Variants in CMIP observed in about 807,000 individuals in gnomAD.
CMIP encodes the protein C-Maf-inducing protein.
CMIP carries 13 observed loss-of-function variants against 97.3 expected under a neutral mutation model. The observed-to-expected ratio is 0.13, with a 90% CI of 0.09 to 0.21. The LOEUF (loss-of-function observed/expected upper bound fraction) is 0.21. CMIP is among the 10% of genes least tolerant of loss of function. The pLI, the probability that CMIP is intolerant of heterozygous loss-of-function variation, is 1.00. For missense variants in CMIP, 847 were observed against 1,024.9 expected (o/e 0.83, Z 2.37); for synonymous variants, 538 against 436.3 (o/e 1.23, Z -2.91).
intron 3 of CMIP, chr16:81,651,441 T>C: frequency 1.0e-6 from 1 of 957,040 alleles, no homozygotes. Flanking sequence ...AGAGCACTCT[T>C]GTCTTCCTCA....
intron 3 of CMIP, among the ~76,000 whole-genome samples, chr16:81,642,362 A>AC (rs1002647116): frequency 7.9e-5 from 12 of 151,946 alleles, no homozygotes; most frequent in African/African-American, 2.9e-4. Flanking sequence ...GCGTCCCTCC[A>AC]CCCACCTTGA....
chr16:81,578,612 G>A (rs2091242435), intron 1 of CMIP, among the ~76,000 whole-genome samples: 1 of 152,178 alleles, frequency 6.6e-6, no homozygotes, highest in Non-Finnish European at 1.5e-5. Flanking sequence ...AGTCCATAAA[G>A]TATGAAATCT....
chr16:81,606,649 A>G (rs1315417937), intron 1 of CMIP, among the ~76,000 whole-genome samples: 1 of 152,224 alleles, frequency 6.6e-6, no homozygotes, highest in African/African-American at 2.4e-5. Context: ...CACTGGGGAA[A>G]GAGTGGGAAC....
At chr16:81,567,403 C>T (rs903863291) in intron 1 of CMIP, among the ~76,000 whole-genome samples, 35 of 152,234 alleles carry the variant, frequency 2.3e-4, no homozygotes, top group Non-Finnish European at 1.5e-5. Flanking sequence ...TGGCCACATC[C>T]TCACCTTCCC....
chr16:81,495,950 C>T (rs2089482536), intron 1 of CMIP, among the ~76,000 whole-genome samples: 1 of 152,222 alleles, frequency 6.6e-6, no homozygotes, highest in African/African-American at 2.4e-5. Context: ...TCCCCCAGCT[C>T]CGAGACTTGC....
chr16:81,500,345 C>CTCTCCTTTCCTCCCTT (rs748595352), intron 1 of CMIP, among the ~76,000 whole-genome samples: 1,866 of 101,078 alleles, frequency 0.018, 72 homozygotes, highest in African/African-American at 0.022. Flanking sequence ...CTCCCTCCCT[C>CTCTCCTTTCCTCCCTT]CCTCTCTCCT....
intron 1 of CMIP, among the ~76,000 whole-genome samples, chr16:81,524,754 G>A (rs1299026370): frequency 6.6e-6 from 1 of 151,964 alleles, no homozygotes; most frequent in African/African-American, 2.4e-5. Context: ...CAGTAACTGC[G>A]CCTTCCCATG....
At chr16:81,527,344 C>CTAAA (rs2090151913) in intron 1 of CMIP, among the ~76,000 whole-genome samples, 1 of 151,814 alleles carries the variant, frequency 6.6e-6, no homozygotes, top group Non-Finnish European at 1.5e-5. Context: ...GCCTGATGGA[C>CTAAA]GGGTAAAGGA....
intron 1 of CMIP, chr16:81,476,315 G>T (rs368204652): frequency 6.5e-6 from 10 of 1,534,394 alleles, no homozygotes; most frequent in African/African-American, 4.1e-5. Context: ...CCATTACGGC[G>T]TGTGAAGTCA....
intron 5 of CMIP, among the ~76,000 whole-genome samples, chr16:81,659,937 C>G (rs902206022): frequency 6.6e-6 from 1 of 152,228 alleles, no homozygotes; most frequent in Non-Finnish European, 1.5e-5. Flanking sequence ...TCCTTTCATT[C>G]CAACAGTTAC....
chr16:81,699,735 C>T lies in CMIP; in HGVS notation c.1689C>T (p.Ser563=), dbSNP rs766885805. 1.9e-6 allele frequency: 3 copies of T among 1,613,694 alleles called. No homozygotes were observed. In the African/African-American group the frequency reaches 4.0e-5, roughly 22 times the overall value. Residue 563 remains serine (S), a synonymous_variant, in exon 15 of 21, where the codon TCC becomes TCT. Transcript: ENST00000537098. Reference sequence around the variant, plus strand: ...ACAAGACCAAAAAATTCCTGCTCTCCCTGGCAGAAAACAAGCTGGGTCCCT... The same window carrying T: ...ACAAGACCAAAAAATTCCTGCTCTCTCTGGCAGAAAACAAGCTGGGTCCCT... ...SCYKTKKFLL[S]LAENKLGPCM...
chr16:81,447,158 C>T (rs1051026878), intron 1 of CMIP, among the ~76,000 whole-genome samples: 1 of 151,636 alleles, frequency 6.6e-6, no homozygotes, highest in African/African-American at 2.4e-5. Flanking sequence ...CTGGTGACCG[C>T]GGTGCCCCCT....
rs188944808 is a variant in CMIP, at chr16:81,628,854, G to C, written c.477+7928G>C. 3.5e-3 allele frequency among the ~76,000 whole-genome samples: 528 copies of C among 152,216 alleles called. 2 individuals carry two copies. The highest frequency in any genetic ancestry group is 5.8e-3 in the Non-Finnish European group (394 of 68,014). On this transcript the variant is annotated intron_variant, in intron 3 of 20. Coordinates refer to ENST00000537098, the MANE Select transcript of CMIP (RefSeq NM_198390.3). The stretch of plus-strand genomic sequence containing the variant: ...CATCACCACTAGGGTTATGTGAATT[G>C]GCTGCGCGTGATGGCTCATACCTGT...
At chr16:81,700,055 G>A (rs1255402282) in intron 15 of CMIP, among the ~76,000 whole-genome samples, 1 of 152,178 alleles carries the variant, frequency 6.6e-6, no homozygotes, top group Non-Finnish European at 1.5e-5. Flanking sequence ...TTATTGCTGT[G>A]TAACAAACCA....
chr16:81,498,193 A>C (rs1372735077), intron 1 of CMIP, among the ~76,000 whole-genome samples: 1 of 152,162 alleles, frequency 6.6e-6, no homozygotes, highest in East Asian at 1.9e-4. Context: ...TTGTCTGAAA[A>C]CGTGGCTCCT....
chr16:81,694,543 GTC>G (rs1191426444), intron 13 of CMIP, among the ~76,000 whole-genome samples: 2 of 152,198 alleles, frequency 1.3e-5, no homozygotes, highest in Non-Finnish European at 2.9e-5. Context: ...ACCATGGCAG[GTC>G]TCTCTGACTC....
chr16:81,613,573 G>A (rs2091865840), intron 2 of CMIP, among the ~76,000 whole-genome samples: 1 of 152,202 alleles, frequency 6.6e-6, no homozygotes, highest in South Asian at 2.1e-4. Flanking sequence ...TGCATATTGT[G>A]AGGCTCGTAG....
intron 1 of CMIP, among the ~76,000 whole-genome samples, chr16:81,486,311 A>T (rs1309832170): frequency 6.7e-6 from 1 of 150,008 alleles, no homozygotes; most frequent in African/African-American, 2.4e-5. Flanking sequence ...AGGGCCTTGC[A>T]TCTGTTTCGT....
chr16:81,640,286 G>GCCC (rs35478251), intron 3 of CMIP, among the ~76,000 whole-genome samples: 2 of 129,440 alleles, frequency 1.5e-5, no homozygotes, highest in African/African-American at 6.1e-5. Flanking sequence ...AGGACATCAG[G>GCCC]CCCCCCCCCC....
Sources: allele counts gnomAD v4.1 joint callset (sites outside exome capture counted in the v4.1 genomes callset), GRCh38; gene constraint gnomAD v4.1.1; transcripts MANE v1.5; gene names NCBI Gene and HGNC (gene_info 2026-07-23, HGNC 2026-07-21).